CCDC187: variants seen among roughly 807,000 people sequenced by gnomAD.
CCDC187 encodes coiled-coil domain containing 187.
A neutral mutation model predicts 38.0 loss-of-function variants in CCDC187; 32 were observed. The ratio of observed to expected loss-of-function variants is 0.84; its 90% CI spans 0.64 to 1.13. The LOEUF is 1.13. Ranked by LOEUF, CCDC187 falls within the 50% of genes most tolerant of loss-of-function variation. The pLI, the probability that CCDC187 is intolerant of heterozygous loss-of-function variation, is 0.00. For missense variants in CCDC187, 707 were observed against 786.8 expected (o/e 0.90, Z 1.21); for synonymous variants, 333 against 347.9 (o/e 0.96, Z 0.48).
At chr9:136,292,577 G>A (rs968254059) in intron 4 of CCDC187, among the ~76,000 whole-genome samples, 8 of 152,194 alleles carry the variant, frequency 5.3e-5, no homozygotes, top group African/African-American at 1.9e-4. Flanking sequence ...AGGAAATCGT[G>A]GACAACAGGA....
chr9:136,293,150 AACACAT>A (rs1831380067), intron 4 of CCDC187, among the ~76,000 whole-genome samples: 1 of 128,108 alleles, frequency 7.8e-6, no homozygotes, highest in African/African-American at 3.2e-5. Context: ...CACACTCACA[AACACAT>A]GCTCACACAC....
At chr9:136,270,457 G>A (rs969374574) in intron 14 of CCDC187, among the ~76,000 whole-genome samples, 1 of 152,154 alleles carries the variant, frequency 6.6e-6, no homozygotes, top group Non-Finnish European at 1.5e-5. Context: ...ATACATCAGC[G>A]TTTTCTTCTG....
intron 20 of CCDC187, 93 bp from the exon 21 acceptor site, chr9:136,259,541 G>A: frequency 3.7e-6 from 2 of 535,464 alleles, no homozygotes; most frequent in Non-Finnish European, 4.8e-6. Flanking sequence ...GAGCTGCCAG[G>A]GGGTGGGGGA....
At chr9:136,270,284 A>G (rs74629521) in intron 14 of CCDC187, among the ~76,000 whole-genome samples, 5,891 of 152,262 alleles carry the variant, frequency 0.039, 327 homozygotes, top group East Asian at 0.23. Context: ...GTGGCCCCCA[A>G]TGGCTGGGCA....
chr9:136,286,609 G>A lies in CCDC187; in HGVS notation c.2309C>T (p.Ala770Val), dbSNP rs1831188126. The change falls in exon 8 of 26, where the codon GCC (alanine) becomes GTC (valine). Residue 770 changes from alanine (A) to valine (V), a missense_variant. Transcript: ENST00000638797. Reference protein sequence around the residue: ...GMGGPQDGRDAPVLLSASPSL... With the variant: ...GMGGPQDGRDVPVLLSASPSL... ...GGGTGAAGCTGACAGCAGCACGGGG[G>A]CATCCCGGCCATCTTGGGGGCCCCC... 2 of 398,646 alleles carry A rather than the reference G, an allele frequency of 5.0e-6. No individual in the cohort carries two copies. The highest frequency in any genetic ancestry group is 4.1e-5 in the African/African-American group (2 of 48,630). The allele number at this position is 398,646 out of a possible 1,614,324, so 24.7% of individuals were successfully genotyped here.
intron 19 of CCDC187, among the ~76,000 whole-genome samples, chr9:136,261,923 G>C (rs1019065318): frequency 6.6e-6 from 1 of 152,230 alleles, no homozygotes; most frequent in Non-Finnish European, 1.5e-5. Context: ...TCAGGAAGCC[G>C]GGAGGCTCTT....
intron 4 of CCDC187, among the ~76,000 whole-genome samples, chr9:136,293,165 ACT>A (rs1283433798): frequency 4.1e-5 from 2 of 49,164 alleles, no homozygotes; most frequent in East Asian, 7.0e-4. Context: ...ATGCTCACAC[ACT>A]CACATGCTCA....
intron 3 of CCDC187, among the ~76,000 whole-genome samples, chr9:136,299,908 C>A (rs1206579896): frequency 6.6e-6 from 1 of 152,232 alleles, no homozygotes. Context: ...ACACAGAAAA[C>A]TCCTTGCCTG....
rs997155127 is a variant in CCDC187, at chr9:136,290,714, C to T, written c.1899G>A (p.Ser633=). Residue 633 remains serine (S), a synonymous_variant, in exon 6 of 26, where the codon TCG becomes TCA. Transcript: ENST00000638797. ...ACTCCCGCAAGGACTCAGAGCTGTG[C>T]GAGGGTCCCAGGAGCCCCCGGGACC... ...CPRSRGLLGP[S]HSSESLREFM... 2.0e-5 allele frequency: 8 copies of T among 398,400 alleles called. No individual in the cohort carries two copies. Among genetic ancestry groups the T allele is most frequent in the Non-Finnish European group, 3.5e-5 (8 of 225,992 alleles). 24.7% of individuals were successfully genotyped at this position (398,400 alleles called of 1,614,324 possible). A position where few individuals can be genotyped will look rare whatever the true frequency, so the allele number is the denominator to read the frequency against.
rs886419502 is a variant in CCDC187 at position 136,300,789 on chromosome 9, G to A, written c.626-471C>T. Among the ~76,000 whole-genome samples the A allele has an allele frequency of 1.1e-4, 17 of 152,248 alleles. No homozygotes were observed. The East Asian group carries it at 1.5e-3, about 14-fold the overall frequency. On this transcript the variant is annotated intron_variant, in intron 2 of 25. Transcript: ENST00000638797. Reference sequence around the variant, plus strand: ...ATTTTTTTGTATTTTTAGTAGAGACGGGGTTTCACCCATGTTGGCCAGGCT... The same window carrying A: ...ATTTTTTTGTATTTTTAGTAGAGACAGGGTTTCACCCATGTTGGCCAGGCT...
chr9:136,284,736 G>A (rs1588664326), intron 9 of CCDC187, among the ~76,000 whole-genome samples: 1 of 148,422 alleles, frequency 6.7e-6, no homozygotes, highest in South Asian at 2.2e-4. Context: ...TGTGGAGGGG[G>A]TTTTTTCAGG....
At chr9:136,259,622 A>G (rs1219551657) in intron 20 of CCDC187, among the ~76,000 whole-genome samples, 174 bp from the exon 21 acceptor site, 1 of 152,124 alleles carries the variant, frequency 6.6e-6, no homozygotes, top group Non-Finnish European at 1.5e-5. Flanking sequence ...CTGCCCTGCC[A>G]TGTCCCCTGC....
intron 24 of CCDC187, 98 bp from the exon 25 acceptor site, chr9:136,255,831 G>A: frequency 1.8e-6 from 1 of 547,602 alleles, no homozygotes; most frequent in South Asian, 7.8e-5. Context: ...TCAGTCCACA[G>A]CTCACACTCG....
intron 3 of CCDC187, among the ~76,000 whole-genome samples, chr9:136,299,748 A>T (rs1383978488): frequency 6.6e-6 from 1 of 151,740 alleles, no homozygotes; most frequent in East Asian, 1.9e-4. Context: ...CCCCTTCCTC[A>T]CGGGCCTGGG....
rs932535911 is a variant in CCDC187 at position 136,289,325 on chromosome 9, C to G, written c.2222+634G>C. 2.5e-3 allele frequency among the ~76,000 whole-genome samples: 377 copies of G among 152,112 alleles called. 1 individual carries two copies. Among genetic ancestry groups the G allele is most frequent in the Non-Finnish European group, 3.6e-3 (246 of 67,984 alleles). On this transcript the variant is annotated intron_variant, in intron 7 of 25. Coordinates refer to ENST00000638797, the MANE Select transcript of CCDC187 (RefSeq NM_001378188.1). ...CTGAGGTTGGGAGTTCGAGACTAGC[C>G]TGGCCAATGTGGTGAAGCCCCGTCT...
rs893935705 is a variant in CCDC187 at position 136,283,207 on chromosome 9, C to T, written c.2928-1544G>A. ...GAGGTTGCAGCAAGCTGAGATCAAG[C>T]CATTGCACTCCAGCCTCGGCGACAG... On this transcript the variant is annotated intron_variant, in intron 9 of 25. Transcript: ENST00000638797. Among the ~76,000 whole-genome samples the T allele has an allele frequency of 3.3e-5, 5 of 152,342 alleles. No homozygotes were observed. The East Asian group carries it at 9.6e-4, about 29-fold the overall frequency.
chr9:136,259,622 A>T (rs1219551657), intron 20 of CCDC187, among the ~76,000 whole-genome samples, 174 bp from the exon 21 acceptor site: 5 of 152,124 alleles, frequency 3.3e-5, no homozygotes, highest in Non-Finnish European at 5.9e-5. Context: ...CTGCCCTGCC[A>T]TGTCCCCTGC....
chr9:136,260,735 G>A (rs1398478967), intron 19 of CCDC187, among the ~76,000 whole-genome samples: 1 of 152,192 alleles, frequency 6.6e-6, no homozygotes, highest in African/African-American at 2.4e-5. Flanking sequence ...CCACCCAAGG[G>A]TGCCCCTGAG....
At chr9:136,293,508 AACAC>A (rs1209814954) in intron 4 of CCDC187, among the ~76,000 whole-genome samples, 1 of 91,716 alleles carries the variant, frequency 1.1e-5, no homozygotes, top group African/African-American at 4.7e-5. Context: ...CACACTCACA[AACAC>A]ACATGCTCAC....
Sources: gnomAD v4.1 joint callset for allele counts (sites outside exome capture counted in the v4.1 genomes callset) on GRCh38, gnomAD v4.1.1 for gene constraint, MANE v1.5 for transcripts, NCBI Gene and HGNC (gene_info 2026-07-23, HGNC 2026-07-21) for gene names.